The following POU3F3 variants were observed in gnomAD, a reference collection of about 807,000 sequenced individuals.
POU3F3 encodes POU class 3 homeobox 3.
In POU3F3, 1 loss-of-function variant was observed where a neutral mutation model predicts 8.6. That is an observed-to-expected ratio of 0.12 (90% CI 0.04 to 0.55). The LOEUF (loss-of-function observed/expected upper bound fraction) is 0.55. POU3F3 is among the 20% of genes least tolerant of loss of function. The pLI, the probability that POU3F3 is intolerant of heterozygous loss-of-function variation, is 0.91. For missense variants in POU3F3, 577 were observed against 690.7 expected, an observed-to-expected ratio of 0.84 and a Z score of 1.84; for synonymous variants, 418 against 327.4, an observed-to-expected ratio of 1.28 and a Z score of -2.99.
rs199515144 is a variant in POU3F3, at chr2:104,854,218, A to G, written c.-1293A>G. 6.6e-6 allele frequency among the ~76,000 whole-genome samples: 1 copy of G among 151,932 alleles called. No homozygotes were observed. Among genetic ancestry groups the G allele is most frequent in the Non-Finnish European group, 1.5e-5 (1 of 67,992 alleles). ...GGAGAGAGAGAGAGGGAGGGAGAGGAAAAGTGAGAGAGGGAAAGAGAGCGC... is the reference window on the plus strand; with the variant it reads ...GGAGAGAGAGAGAGGGAGGGAGAGGGAAAGTGAGAGAGGGAAAGAGAGCGC... On this transcript the variant is annotated 5_prime_UTR_variant, in exon 1 of 1. Transcript: ENST00000361360. The surrounding 1 kb of genome is among the most constrained non-coding windows in gnomAD (Gnocchi z 4.5).
At chr2:104,865,623 A>G in the POU3F3 span, 1 of 152,200 alleles carries the variant, frequency 6.6e-6, no homozygotes, top group Non-Finnish European at 1.5e-5. Flanking sequence ...ACACTGAAAT[A>G]GAATAGATGT....
At position 104,854,868 on chromosome 2, in the gene POU3F3, G is replaced by A. The variant is rs936001356; in HGVS notation, c.-643G>A. Among the ~76,000 whole-genome samples, 1 of 152,160 alleles carries A rather than the reference G, an allele frequency of 6.6e-6. No homozygotes were observed. The highest frequency in any genetic ancestry group is 2.4e-5 in the African/African-American group (1 of 41,472). On this transcript the variant is annotated 5_prime_UTR_variant, in exon 1 of 1. Transcript: ENST00000361360. The surrounding 1 kb of genome is among the most constrained non-coding windows in gnomAD (Gnocchi z 4.5). ...GGAGGAGAGGAGAGGAGAGGAGAGA[G>A]CGGACAAGAGAAGGAGCGGGCCGGT...
chr2:104,910,288 G>A, the POU3F3 span, among the ~76,000 whole-genome samples: 2 of 152,024 alleles, frequency 1.3e-5, no homozygotes, highest in Non-Finnish European at 2.9e-5. Flanking sequence ...GTCAAGTTTG[G>A]GCAACAGTGA....
chr2:104,853,662 G>A (rs956918127), upstream of POU3F3: 2 of 152,264 alleles, frequency 1.3e-5, no homozygotes, highest in African/African-American at 4.8e-5. Context: ...CGTACTAGGT[G>A]GGGTGGGCAG....
chr2:104,854,507 AT>A lies in POU3F3; in HGVS notation c.-996del, dbSNP rs1005522205. 2.0e-5 allele frequency among the ~76,000 whole-genome samples: 3 copies of A among 151,954 alleles called. No homozygotes were observed. The highest frequency in any genetic ancestry group is 1.5e-5 in the Non-Finnish European group (1 of 67,972). ...CAAGGTAACAGAGCGATTCGACATC[AT>A]TTTTTTTCCTGTTCAATTTTTTCCT... On this transcript the variant is annotated 5_prime_UTR_variant, in exon 1 of 1. Transcript: ENST00000361360. The surrounding 1 kb of genome is among the most constrained non-coding windows in gnomAD (Gnocchi z 4.5).
At chr2:104,924,311 C>A in the POU3F3 span, among the ~76,000 whole-genome samples, 1 of 152,150 alleles carries the variant, frequency 6.6e-6, no homozygotes, top group African/African-American at 2.4e-5. Flanking sequence ...AGCTACTGAC[C>A]AATTCTAACT....
the POU3F3 span, among the ~76,000 whole-genome samples, chr2:104,878,955 C>T: frequency 7.2e-5 from 11 of 151,804 alleles, no homozygotes; most frequent in African/African-American, 2.7e-4. Flanking sequence ...CACACAAATA[C>T]AACACATAGC....
At chr2:104,892,071 G>C in the POU3F3 span, among the ~76,000 whole-genome samples, 1 of 152,194 alleles carries the variant, frequency 6.6e-6, no homozygotes, top group Non-Finnish European at 1.5e-5. Context: ...CTGATGATGT[G>C]AGCTGGACAC....
the POU3F3 span, among the ~76,000 whole-genome samples, chr2:104,903,201 A>C: frequency 6.6e-6 from 1 of 152,196 alleles, no homozygotes; most frequent in Non-Finnish European, 1.5e-5. Context: ...GCCCAGGAGG[A>C]CTAAACAATA....
the POU3F3 span, among the ~76,000 whole-genome samples, chr2:104,926,287 G>T: frequency 6.6e-6 from 1 of 152,162 alleles, no homozygotes; most frequent in African/African-American, 2.4e-5. Context: ...ATCAAAAAGT[G>T]GGTGAAGGAT....
At chr2:104,900,837 C>G in the POU3F3 span, among the ~76,000 whole-genome samples, 1 of 152,160 alleles carries the variant, frequency 6.6e-6, no homozygotes, top group African/African-American at 2.4e-5. Context: ...GGCTCACTAC[C>G]GAGTGAATGA....
the POU3F3 span, among the ~76,000 whole-genome samples, chr2:104,887,836 A>G: frequency 6.6e-6 from 1 of 152,218 alleles, no homozygotes; most frequent in African/African-American, 2.4e-5. Flanking sequence ...ACCCTTTCAC[A>G]TGCAAAAGCA....
At chr2:104,925,983 G>C in the POU3F3 span, 3 of 152,194 alleles carry the variant, frequency 2.0e-5, no homozygotes, top group Non-Finnish European at 4.4e-5. Flanking sequence ...CCAAGATCAA[G>C]GTGCTGCCGG....
chr2:104,907,563 C>T, the POU3F3 span, among the ~76,000 whole-genome samples: 27 of 152,140 alleles, frequency 1.8e-4, no homozygotes, highest in Non-Finnish European at 2.2e-4. Flanking sequence ...TGGATGTTAC[C>T]TCTGCTTTTT....
chr2:104,886,857 G>A, the POU3F3 span, among the ~76,000 whole-genome samples: 1 of 152,018 alleles, frequency 6.6e-6, no homozygotes, highest in African/African-American at 2.4e-5. Flanking sequence ...GCGGTGAGCT[G>A]AGATCACGCT....
Position 104,856,863 on chromosome 2 carries a change from G to A in POU3F3, c.1353G>A (p.Arg451=). 1.2e-6 allele frequency: 2 copies of A among 1,614,074 alleles called. No homozygotes were observed. The highest frequency in any genetic ancestry group is 1.7e-6 in the Non-Finnish European group (2 of 1,179,980). ...TGCAGCTCGAGAAGGAGGTGGTGCG[G>A]GTCTGGTTCTGCAATCGGCGCCAAA... is the stretch of plus-strand genomic sequence containing the variant. ...DSLQLEKEVV[R]VWFCNRRQKE... is the part of the protein sequence containing the mutation. The change falls in exon 1 of 1, where the codon CGG becomes CGA. Residue 451 remains arginine (R), a synonymous_variant. Coordinates refer to ENST00000361360, the MANE Select transcript of POU3F3 (RefSeq NM_006236.3).
At chr2:104,879,205 C>G in the POU3F3 span, among the ~76,000 whole-genome samples, 1 of 148,530 alleles carries the variant, frequency 6.7e-6, no homozygotes, top group African/African-American at 2.5e-5. Context: ...ACACACACCA[C>G]ACACATACAG....
chr2:104,884,450 A>G, the POU3F3 span, among the ~76,000 whole-genome samples: 1 of 152,168 alleles, frequency 6.6e-6, no homozygotes, highest in Non-Finnish European at 1.5e-5. Flanking sequence ...CAGGCATCCA[A>G]CTAATGGCTG....
At chr2:104,891,405 T>C in the POU3F3 span, among the ~76,000 whole-genome samples, 3 of 152,300 alleles carry the variant, frequency 2.0e-5, no homozygotes, top group Admixed American at 2.0e-4. Context: ...CTAATGAATA[T>C]ATATTGGGTG....
Sources: gnomAD v4.1 joint callset for allele counts (sites outside exome capture counted in the v4.1 genomes callset) on GRCh38, gnomAD v4.1.1 for gene constraint, Gnocchi (gnomAD v3.1) non-coding constraint, MANE v1.5 for transcripts, NCBI Gene and HGNC (gene_info 2026-07-23, HGNC 2026-07-21) for gene names.